CNTNAP2: variants seen among roughly 807,000 people sequenced by gnomAD.
CNTNAP2 encodes the protein contactin associated protein 2, also known as contactin-associated protein-like 2.
In CNTNAP2, 98 loss-of-function variants were observed where a neutral mutation model predicts 155.2. The observed-to-expected ratio is 0.63, with a 90% CI of 0.54 to 0.75. The LOEUF (loss-of-function observed/expected upper bound fraction) is 0.75. Ranked by LOEUF, CNTNAP2 falls within the 30% of genes least tolerant of loss-of-function variation. The pLI is 0.00. For missense variants in CNTNAP2, 1,727 were observed against 1,688.1 expected, an observed-to-expected ratio of 1.02 and a Z score of -0.40; for synonymous variants, 651 against 631.2, an observed-to-expected ratio of 1.03 and a Z score of -0.47.
chr7:148,112,672 G>A (rs1804378332), intron 15 of CNTNAP2, among the ~76,000 whole-genome samples: 1 of 152,034 alleles, frequency 6.6e-6, no homozygotes, highest in Non-Finnish European at 1.5e-5. Context: ...TGCAATTACA[G>A]GTGTGAGGCA....
At chr7:147,870,334 T>C (rs1799305407) in intron 13 of CNTNAP2, among the ~76,000 whole-genome samples, 2 of 152,146 alleles carry the variant, frequency 1.3e-5, no homozygotes, top group African/African-American at 2.4e-5. Context: ...GCAAGGCTCA[T>C]GGGAAGTCCT....
chr7:147,134,918 A>C (rs1801448928), intron 8 of CNTNAP2, among the ~76,000 whole-genome samples: 1 of 151,924 alleles, frequency 6.6e-6, no homozygotes, highest in Non-Finnish European at 1.5e-5. Flanking sequence ...GAAAAGAAAA[A>C]TAACCAGTGA....
At chr7:147,073,674 A>G (rs886546223) in intron 4 of CNTNAP2, among the ~76,000 whole-genome samples, 1 of 152,182 alleles carries the variant, frequency 6.6e-6, no homozygotes, top group Non-Finnish European at 1.5e-5. Flanking sequence ...GTCAGGGGAA[A>G]TCTAGAAGGG....
chr7:147,642,368 T>C (rs911082476), intron 13 of CNTNAP2, among the ~76,000 whole-genome samples: 1 of 152,202 alleles, frequency 6.6e-6, no homozygotes, highest in Non-Finnish European at 1.5e-5. Flanking sequence ...CTTCCAAATA[T>C]GTTCAACTTA....
chr7:146,511,450 A>T (rs532110533), intron 1 of CNTNAP2, among the ~76,000 whole-genome samples: 1 of 152,274 alleles, frequency 6.6e-6, no homozygotes, highest in African/African-American at 2.4e-5. Context: ...TATTGTTTTG[A>T]AGTATGTTCC....
At chr7:147,406,417 G>A (rs745415964) in intron 10 of CNTNAP2, among the ~76,000 whole-genome samples, 12 of 151,980 alleles carry the variant, frequency 7.9e-5, no homozygotes, top group Non-Finnish European at 1.6e-4. Flanking sequence ...ATTTTTCTAT[G>A]CCAAGAAAAA....
intron 1 of CNTNAP2, among the ~76,000 whole-genome samples, chr7:146,403,398 A>G (rs1795742087): frequency 6.6e-6 from 1 of 152,184 alleles, no homozygotes; most frequent in Non-Finnish European, 1.5e-5. Flanking sequence ...TTAATAATGT[A>G]TAGAATTTGT....
At chr7:146,316,276 T>C (rs1800903859) in intron 1 of CNTNAP2, among the ~76,000 whole-genome samples, 1 of 152,174 alleles carries the variant, frequency 6.6e-6, no homozygotes, top group Admixed American at 6.5e-5. Flanking sequence ...GTGAAAGAGA[T>C]AAAGCCTGGT....
intron 10 of CNTNAP2, among the ~76,000 whole-genome samples, chr7:147,454,279 C>G (rs1454809867): frequency 6.6e-6 from 1 of 152,032 alleles, no homozygotes; most frequent in Non-Finnish European, 1.5e-5. Flanking sequence ...GTTTTCCAAT[C>G]TTATATTTTG....
At chr7:147,167,342 C>A in intron 8 of CNTNAP2, 1 of 643,790 alleles carries the variant, frequency 1.6e-6, no homozygotes, top group Non-Finnish European at 2.4e-6. Flanking sequence ...CTGACTGTTT[C>A]TGCCGAAAGA....
intron 10 of CNTNAP2, among the ~76,000 whole-genome samples, chr7:147,482,788 G>A (rs1798445910): frequency 6.6e-6 from 1 of 151,718 alleles, no homozygotes; most frequent in African/African-American, 2.4e-5. Flanking sequence ...GCTCATGCCT[G>A]TAATCCCAGC....
chr7:147,701,709 A>G (rs879576698), intron 13 of CNTNAP2, among the ~76,000 whole-genome samples: 4 of 152,218 alleles, frequency 2.6e-5, no homozygotes, highest in Non-Finnish European at 5.9e-5. Flanking sequence ...ATTCGTTAAC[A>G]GGAGTTGTAA....
chr7:147,733,091 A>T (rs964901385), intron 13 of CNTNAP2, among the ~76,000 whole-genome samples: 1 of 152,170 alleles, frequency 6.6e-6, no homozygotes, highest in Non-Finnish European at 1.5e-5. Context: ...GGTGTTTTAG[A>T]CATGAAGTCC....
intron 18 of CNTNAP2, among the ~76,000 whole-genome samples, chr7:148,186,843 G>T (rs80316871): frequency 0.011 from 1,598 of 152,180 alleles, 36 homozygotes; most frequent in African/African-American, 0.037. Flanking sequence ...GCTGACACAC[G>T]GTCAGTGGTC....
chr7:146,236,245 A>G (rs1799471291), intron 1 of CNTNAP2, among the ~76,000 whole-genome samples: 1 of 152,164 alleles, frequency 6.6e-6, no homozygotes, highest in Non-Finnish European at 1.5e-5. Flanking sequence ...GTGTACTATT[A>G]AAAAAATAAT....
intron 1 of CNTNAP2, among the ~76,000 whole-genome samples, chr7:146,371,252 C>T (rs1795229501): frequency 6.6e-6 from 1 of 151,474 alleles, no homozygotes; most frequent in Admixed American, 6.6e-5. Flanking sequence ...GCTTTTGCTA[C>T]TTTAACAACA....
At chr7:147,815,881 C>T (rs1334122060) in intron 13 of CNTNAP2, among the ~76,000 whole-genome samples, 2 of 152,166 alleles carry the variant, frequency 1.3e-5, no homozygotes, top group African/African-American at 4.8e-5. Context: ...GTCCACTGGC[C>T]TCACAGTTCA....
At chr7:146,911,968 TTTGA>T (rs1796293126) in intron 3 of CNTNAP2, among the ~76,000 whole-genome samples, 1 of 152,136 alleles carries the variant, frequency 6.6e-6, no homozygotes, top group African/African-American at 2.4e-5. Flanking sequence ...ATTTCTTTCC[TTTGA>T]TTAAGAGGCA....
chr7:147,043,585 T>G (rs1052875352), intron 3 of CNTNAP2, among the ~76,000 whole-genome samples: 2 of 152,204 alleles, frequency 1.3e-5, no homozygotes, highest in Admixed American at 1.3e-4. Flanking sequence ...TAAAAATCAT[T>G]TATTGTATAA....
Sources: allele counts gnomAD v4.1 joint callset (sites outside exome capture counted in the v4.1 genomes callset), GRCh38; gene constraint gnomAD v4.1.1; transcripts MANE v1.5; gene names NCBI Gene and HGNC (gene_info 2026-07-23, HGNC 2026-07-21).